Variants in CDH22 observed in about 807,000 individuals in gnomAD.
CDH22 encodes the protein cadherin-22.
Under a neutral mutation model 58.4 loss-of-function variants are expected in CDH22, and 30 were observed. That is an observed-to-expected ratio of 0.51 (90% CI 0.38 to 0.70). The LOEUF is 0.70. CDH22 is among the 30% of genes least tolerant of loss of function. The pLI, the probability that CDH22 is intolerant of heterozygous loss-of-function variation, is 0.00. For synonymous variants in CDH22, 513 were observed against 558.2 expected (o/e 0.92, Z 1.14); for missense variants, 1,014 against 1,233.9 (o/e 0.82, Z 2.67).
intron 1 of CDH22, among the ~76,000 whole-genome samples, chr20:46,262,883 TG>T (rs2086440121): frequency 6.6e-6 from 1 of 152,218 alleles, no homozygotes; most frequent in South Asian, 2.1e-4. Flanking sequence ...TTCATGCCTC[TG>T]GGCCTTTGCT....
At chr20:46,213,225 G>C in intron 5 of CDH22, 37 bp from the exon 6 acceptor site, 1 of 1,580,534 alleles carries the variant, frequency 6.3e-7, no homozygotes, top group East Asian at 2.2e-5. Context: ...GATGAAGGCA[G>C]CCCCTTCCCC....
At chr20:46,220,494 A>C (rs984195889) in intron 4 of CDH22, 1 of 152,762 alleles carries the variant, frequency 6.5e-6, no homozygotes, top group Non-Finnish European at 1.5e-5. Context: ...GAGTGACTTT[A>C]GCCGAGCACT....
intron 1 of CDH22, among the ~76,000 whole-genome samples, chr20:46,262,792 C>T (rs961719167): frequency 6.6e-5 from 10 of 152,198 alleles, no homozygotes; most frequent in African/African-American, 2.4e-4. Flanking sequence ...AACGCCCTGC[C>T]TGATTGGGAC....
At position 46,210,644 on chromosome 20, in the gene CDH22, G is replaced by T; in HGVS notation, c.1033-84C>A. The T allele has an allele frequency of 2.3e-6, 3 of 1,314,196 alleles. No homozygotes were observed. Among genetic ancestry groups the T allele is most frequent in the Non-Finnish European group, 3.0e-6 (3 of 1,000,642 alleles). 81.4% of individuals were successfully genotyped at this position (1,314,196 alleles called of 1,614,324 possible). On this transcript the variant is annotated intron_variant, in intron 6 of 11. Coordinates refer to ENST00000537909, the MANE Select transcript of CDH22 (RefSeq NM_021248.3). The surrounding 1 kb of genome is among the most constrained non-coding windows in gnomAD (Gnocchi z 4.5). ...CACGAGGGAGGCCAAGGCAGGCGGG[G>T]TTGGCCCAAGGTCACACGTTGTCTC...
intron 6 of CDH22, among the ~76,000 whole-genome samples, chr20:46,211,662 C>T (rs186991594): frequency 4.6e-5 from 7 of 152,256 alleles, no homozygotes; most frequent in Middle Eastern, 3.4e-3. Flanking sequence ...CTGGAGTCCC[C>T]GGGCTGAGTT....
At chr20:46,270,026 G>A (rs1470276376) in intron 1 of CDH22, among the ~76,000 whole-genome samples, 1 of 152,190 alleles carries the variant, frequency 6.6e-6, no homozygotes, top group Non-Finnish European at 1.5e-5. Context: ...GGAGACATTT[G>A]AACTGATCCT....
rs1269233170 is a variant in CDH22, at chr20:46,308,167, C to G, written c.-400+88G>C. 6.6e-6 allele frequency: 1 copy of G among 151,042 alleles called. No individual in the cohort carries two copies. Among genetic ancestry groups the G allele is most frequent in the African/African-American group, 2.4e-5 (1 of 41,298 alleles). The allele number at this position is 151,042 out of a possible 1,614,324, so 9.4% of individuals were successfully genotyped here. On this transcript the variant is annotated intron_variant, in intron 1 of 11. Coordinates refer to ENST00000537909, the MANE Select transcript of CDH22 (RefSeq NM_021248.3). This position sits in a 1 kb window ranked among gnomAD's most constrained non-coding sequence, Gnocchi z 4.3. ...CCCCCGCGCCGCCTGCCCGGCCGCT[C>G]CCGCCGGCCAGGGGGCTCCCTCCCT...
intron 5 of CDH22, among the ~76,000 whole-genome samples, chr20:46,214,613 A>T (rs2086069454): frequency 6.6e-6 from 1 of 152,114 alleles, no homozygotes; most frequent in Admixed American, 6.5e-5. Context: ...GCCTTGCTGA[A>T]GTTCTTGTGA....
At chr20:46,290,247 T>C (rs2086594807) in intron 1 of CDH22, among the ~76,000 whole-genome samples, 1 of 152,206 alleles carries the variant, frequency 6.6e-6, no homozygotes, top group African/African-American at 2.4e-5. Context: ...GCTCACAATA[T>C]ATAGTCAAGT....
intron 7 of CDH22, among the ~76,000 whole-genome samples, chr20:46,207,175 AG>A (rs2086007289): frequency 6.6e-6 from 1 of 152,198 alleles, no homozygotes; most frequent in African/African-American, 2.4e-5. Flanking sequence ...ACATCTGAGG[AG>A]CCCCAGGGAA....
chr20:46,212,955 C>G, intron 6 of CDH22, 40 bp downstream of exon 6: 1 of 1,576,016 alleles, frequency 6.3e-7, no homozygotes, highest in South Asian at 1.1e-5. Context: ...CCTCCCACCC[C>G]TGAGGCCTGC....
chr20:46,185,587 G>A (rs11698527), intron 10 of CDH22, among the ~76,000 whole-genome samples: 2,658 of 152,242 alleles, frequency 0.017, 37 homozygotes, highest in Non-Finnish European at 0.025. Flanking sequence ...ATGTGAGTGG[G>A]CCTGGCGTGG....
chr20:46,297,091 G>C (rs190323901), intron 1 of CDH22, among the ~76,000 whole-genome samples: 11 of 152,236 alleles, frequency 7.2e-5, no homozygotes, highest in Admixed American at 5.9e-4. Context: ...TTTAAGCTGG[G>C]GCCACCCACT....
Position 46,174,146 on chromosome 20 carries a change from G to A in CDH22, c.*360C>T, listed in dbSNP as rs1600680584. 1 of 302,668 alleles carries A rather than the reference G, an allele frequency of 3.3e-6. No individual in the cohort carries two copies. The highest frequency in any genetic ancestry group is 6.0e-6 in the Non-Finnish European group (1 of 165,728). 18.7% of individuals were successfully genotyped at this position (302,668 alleles called of 1,614,324 possible). A position where few individuals can be genotyped will look rare whatever the true frequency, so the allele number is the denominator to read the frequency against. On this transcript the variant is annotated 3_prime_UTR_variant, in exon 12 of 12. Coordinates refer to ENST00000537909, the MANE Select transcript of CDH22 (RefSeq NM_021248.3). This position sits in a 1 kb window ranked among gnomAD's most constrained non-coding sequence, Gnocchi z 4.4. ...CTGATGGGGGAAACCTGGGGTGGGG[G>A]CATCTCAGCGGCGTGCTCCCTCCAG...
chr20:46,241,305 C>T lies in CDH22; in HGVS notation c.256-48G>A. 6.7e-7 allele frequency: 1 copy of T among 1,489,124 alleles called. No homozygotes were observed. The highest frequency in any genetic ancestry group is 9.1e-7 in the Non-Finnish European group (1 of 1,102,130). 92.2% of individuals were successfully genotyped at this position (1,489,124 alleles called of 1,614,324 possible). A position where few individuals can be genotyped will look rare whatever the true frequency, so the allele number is the denominator to read the frequency against. On this transcript the variant is annotated intron_variant, in intron 2 of 11. Transcript: ENST00000537909. The surrounding 1 kb of genome is among the most constrained non-coding windows in gnomAD (Gnocchi z 5.2). ...AAGGTGGAGGCTGAGAAGGAAGCTC[C>T]TCTTGGCCTCACTGTCTCATGCCAT...
chr20:46,266,403 G>A (rs1459414209), intron 1 of CDH22, among the ~76,000 whole-genome samples: 1 of 152,182 alleles, frequency 6.6e-6, no homozygotes, highest in Non-Finnish European at 1.5e-5. Context: ...CACCCGTCCT[G>A]TGCCTAGCAT....
In CDH22 at chr20:46,210,327, G is replaced by C; in HGVS notation, c.1266C>G (p.Asp422Glu). Residue 422 changes from aspartate (D) to glutamate (E), a missense_variant, in exon 7 of 12, where the codon GAC becomes GAG. By Grantham distance (45) the Asp-to-Glu change is conservative (BLOSUM62 2). This residue lies in a region of CDH22 where 806 missense variants were observed against 1,038.7 expected (regional missense o/e 0.78). Transcript: ENST00000537909. This position sits in a 1 kb window ranked among gnomAD's most constrained non-coding sequence, Gnocchi z 4.5. ...LVGVVTARDP[D>E]AANRPVRYAI... ...CTCACCGGACGGGCCGGTTGGCGGC[G>C]TCGGGGTCCCGCGCCGTCACCACGC... 1 of 1,452,908 alleles carries C rather than the reference G, an allele frequency of 6.9e-7. No individual in the cohort carries two copies. Among genetic ancestry groups the C allele is most frequent in the Non-Finnish European group, 9.0e-7 (1 of 1,107,640 alleles). The allele number at this position is 1,452,908 out of a possible 1,614,324, so 90.0% of individuals were successfully genotyped here. A position where few individuals can be genotyped will look rare whatever the true frequency, so the allele number is the denominator to read the frequency against.
chr20:46,293,925 G>A (rs1463572842), intron 1 of CDH22, among the ~76,000 whole-genome samples: 3 of 152,184 alleles, frequency 2.0e-5, no homozygotes, highest in African/African-American at 7.2e-5. Flanking sequence ...TGAGGCAGGA[G>A]AATTGCTTGA....
chr20:46,255,720 C>T (rs1195490708), intron 1 of CDH22, among the ~76,000 whole-genome samples: 1 of 152,236 alleles, frequency 6.6e-6, no homozygotes, highest in Non-Finnish European at 1.5e-5. Flanking sequence ...TCCCTCCCTT[C>T]CTCCCTTCTT....
Sources: gnomAD v4.1 joint callset for allele counts (sites outside exome capture counted in the v4.1 genomes callset) on GRCh38, gnomAD v4.1.1 for gene constraint, gnomAD v4.1.1 regional missense constraint, Gnocchi (gnomAD v3.1) non-coding constraint, MANE v1.5 for transcripts, NCBI Gene and HGNC (gene_info 2026-07-23, HGNC 2026-07-21) for gene names.